The following RABGEF1 variants were observed in gnomAD, a reference collection of about 807,000 sequenced individuals.
The protein encoded by RABGEF1 is rab5 GDP/GTP exchange factor.
Under a neutral mutation model 57.3 loss-of-function variants are expected in RABGEF1, and 26 were observed. The observed-to-expected ratio is 0.45, with a 90% confidence interval of 0.33 to 0.63. The LOEUF (loss-of-function observed/expected upper bound fraction) is 0.63. Ranked by LOEUF, RABGEF1 falls within the 20% of genes least tolerant of loss-of-function variation. The pLI is 0.02. For synonymous variants in RABGEF1, 185 were observed against 210.7 expected (o/e 0.88, Z 1.06); for missense variants, 464 against 607.6 (o/e 0.76, Z 2.48).
the RABGEF1 span, among the ~76,000 whole-genome samples, chr7:66,661,160 G>C: frequency 6.6e-6 from 1 of 152,074 alleles, no homozygotes; most frequent in East Asian, 1.9e-4. Flanking sequence ...TTAGCCAGGC[G>C]CAGTGGCGGG....
intron 7 of RABGEF1, among the ~76,000 whole-genome samples, chr7:66,801,709 T>A (rs1006415576): frequency 6.6e-6 from 1 of 152,208 alleles, no homozygotes; most frequent in African/African-American, 2.4e-5. Context: ...TGCAAATGAC[T>A]GGATCCCATT....
At chr7:66,720,191 ATTATTT>A (rs1249373669) in intron 2 of RABGEF1, among the ~76,000 whole-genome samples, 2 of 79,840 alleles carry the variant, frequency 2.5e-5, no homozygotes, top group Admixed American at 1.1e-4. Context: ...TATTATTATT[ATTATTT>A]TTTTTTTTTT....
At chr7:66,697,164 C>T (rs1423815367) in intron 1 of RABGEF1, among the ~76,000 whole-genome samples, 3 of 152,034 alleles carry the variant, frequency 2.0e-5, no homozygotes, top group African/African-American at 7.2e-5. Context: ...GAAGAACCTC[C>T]GTCCAGAAGG....
chr7:66,724,609 C>T (rs1198007518), intron 2 of RABGEF1, among the ~76,000 whole-genome samples: 11 of 152,188 alleles, frequency 7.2e-5, no homozygotes, highest in African/African-American at 1.7e-4. Context: ...CCACCCACCT[C>T]GGCCTCCCAA....
At chr7:66,717,460 A>G (rs1349002368) in intron 2 of RABGEF1, among the ~76,000 whole-genome samples, 2 of 152,160 alleles carry the variant, frequency 1.3e-5, no homozygotes, top group African/African-American at 2.4e-5. Flanking sequence ...GCTTTCAATA[A>G]TCATATGTAT....
At chr7:66,666,754 G>A in the RABGEF1 span, among the ~76,000 whole-genome samples, 2 of 152,234 alleles carry the variant, frequency 1.3e-5, no homozygotes, top group African/African-American at 4.8e-5. Context: ...CCAGCTGGGT[G>A]GGCGTCCAGG....
chr7:66,735,374 T>C (rs1166870658), intron 2 of RABGEF1, among the ~76,000 whole-genome samples: 1 of 152,232 alleles, frequency 6.6e-6, no homozygotes, highest in Non-Finnish European at 1.5e-5. Context: ...GCATAGTAGT[T>C]TAGATTATGG....
intron 1 of RABGEF1, among the ~76,000 whole-genome samples, chr7:66,762,032 C>G (rs1043177043): frequency 9.9e-5 from 15 of 151,420 alleles, no homozygotes; most frequent in Non-Finnish European, 1.2e-4. Flanking sequence ...CCAGCTTGGG[C>G]AACAGAGCGA....
At chr7:66,737,093 C>CGAGAGAGAGA (rs141745026), upstream of RABGEF1, among the ~76,000 whole-genome samples, 1 of 127,290 alleles carries the variant, frequency 7.9e-6, no homozygotes, top group Non-Finnish European at 1.7e-5. Flanking sequence ...AGAGCGAGAG[C>CGAGAGAGAGA]GAGAGAGAGA....
the RABGEF1 span, chr7:66,667,314 G>GCTGTGCA: frequency 6.6e-6 from 1 of 152,364 alleles, no homozygotes; most frequent in African/African-American, 2.4e-5. Flanking sequence ...TGGGCTGGGG[G>GCTGTGCA]CTGTGCACAG....
intron 3 of RABGEF1, 137 bp downstream of exon 3, chr7:66,775,530 C>T (rs577993688): frequency 1.1e-4 from 114 of 1,004,160 alleles, no homozygotes; most frequent in Non-Finnish European, 1.5e-4. Flanking sequence ...TGAAATTGGG[C>T]TTGAGGGTCA....
chr7:66,673,848 C>T, the RABGEF1 span, among the ~76,000 whole-genome samples: 4 of 151,886 alleles, frequency 2.6e-5, no homozygotes, highest in Admixed American at 6.6e-5. Context: ...CACTGCCCTC[C>T]AGCCTGGGTG....
At chr7:66,705,443 A>AAGAGAGAGAGAGAGAG (rs57856916) in intron 1 of RABGEF1, among the ~76,000 whole-genome samples, 1 of 66,350 alleles carries the variant, frequency 1.5e-5, no homozygotes, top group African/African-American at 7.6e-5. Context: ...TCTCGAAAGA[A>AAGAGAGAGAGAGAGAG]AGAGAGAGAG....
At chr7:66,744,851 G>C (rs1799837534) in intron 1 of RABGEF1, among the ~76,000 whole-genome samples, 1 of 151,968 alleles carries the variant, frequency 6.6e-6, no homozygotes, top group South Asian at 2.1e-4. Context: ...GATTTGATAA[G>C]AATAACTCAT....
upstream of RABGEF1, among the ~76,000 whole-genome samples, chr7:66,681,494 T>C (rs1289982346): frequency 6.6e-6 from 1 of 150,922 alleles, no homozygotes; most frequent in Admixed American, 6.6e-5. Flanking sequence ...CTTCCTGGGC[T>C]ATCAAGCGAT....
At chr7:66,726,952 C>A (rs1341560892) in intron 2 of RABGEF1, among the ~76,000 whole-genome samples, 1 of 152,024 alleles carries the variant, frequency 6.6e-6, no homozygotes, top group Non-Finnish European at 1.5e-5. Context: ...TGCAGTGAGC[C>A]GAGATTGCGC....
chr7:66,805,519 G>C, intron 8 of RABGEF1, 123 bp downstream of exon 8: 2 of 1,424,734 alleles, frequency 1.4e-6, no homozygotes, highest in Non-Finnish European at 1.9e-6. Flanking sequence ...GCATGGCTGA[G>C]GAAGCTCACT....
At chr7:66,797,576 A>G (rs183211829) in intron 6 of RABGEF1, 70 bp downstream of exon 6, 2 of 1,516,310 alleles carry the variant, frequency 1.3e-6, no homozygotes, top group Admixed American at 2.0e-5. Context: ...GGGGAAAATA[A>G]TGCACCTGTG....
chr7:66,772,108 C>T lies in RABGEF1; in HGVS notation c.179+30C>T, dbSNP rs532362578. The T allele has an allele frequency of 5.6e-6, 8 of 1,424,876 alleles. No individual in the cohort carries two copies. In the African/African-American group the frequency reaches 1.0e-4, roughly 18 times the overall value. 88.3% of individuals were successfully genotyped at this position (1,424,876 alleles called of 1,614,324 possible). ...AAGGACTTAACTAGGGGCGGTTGAACAGTGACGTGACTGGATACATAGTTC... is the reference window on the plus strand; with the variant it reads ...AAGGACTTAACTAGGGGCGGTTGAATAGTGACGTGACTGGATACATAGTTC... On this transcript the variant is annotated intron_variant, in intron 2 of 8. Transcript: ENST00000284957.
Sources: gnomAD v4.1 joint callset for allele counts (sites outside exome capture counted in the v4.1 genomes callset) on GRCh38, gnomAD v4.1.1 for gene constraint, MANE v1.5 for transcripts, NCBI Gene and HGNC (gene_info 2026-07-23, HGNC 2026-07-21) for gene names.